Variants in SDK1 observed in about 807,000 individuals in gnomAD.
SDK1 encodes sidekick cell adhesion molecule 1.
SDK1 carries 157 observed loss-of-function variants against 245.5 expected under a neutral mutation model. The ratio of observed to expected loss-of-function variants is 0.64; its 90% CI spans 0.56 to 0.73. SDK1 has a LOEUF of 0.73. Ranked by LOEUF, SDK1 falls within the 30% of genes least tolerant of loss-of-function variation. The probability of loss-of-function intolerance (pLI) is 0.00; values close to 1 mark genes in which losing one functional copy is unlikely to be tolerated. For missense variants in SDK1, 3,583 were observed against 3,002.3 expected, an observed-to-expected ratio of 1.19 and a Z score of -4.52; for synonymous variants, 1,647 against 1,278.5, an observed-to-expected ratio of 1.29 and a Z score of -6.15.
At chr7:3,327,325 C>G (rs1361561053) in intron 1 of SDK1, among the ~76,000 whole-genome samples, 1 of 152,098 alleles carries the variant, frequency 6.6e-6, no homozygotes, top group Admixed American at 6.6e-5. Context: ...TGGAAGGTTT[C>G]AGGGATAACA....
At chr7:3,316,185 T>C (rs1364490982) in intron 1 of SDK1, among the ~76,000 whole-genome samples, 1 of 152,188 alleles carries the variant, frequency 6.6e-6, no homozygotes, top group Non-Finnish European at 1.5e-5. Context: ...TTTAAAACTT[T>C]CAGTACAGCC....
chr7:3,912,706 C>G (rs763238278), intron 5 of SDK1, among the ~76,000 whole-genome samples: 2 of 152,240 alleles, frequency 1.3e-5, no homozygotes, highest in African/African-American at 4.8e-5. Flanking sequence ...ACTTATCATT[C>G]TCCTCTGGCA....
chr7:3,798,988 C>G (rs1179039149), intron 4 of SDK1, among the ~76,000 whole-genome samples: 3 of 152,170 alleles, frequency 2.0e-5, no homozygotes, highest in Admixed American at 2.0e-4. Context: ...TCCCCTCATT[C>G]TTCTACATTT....
At chr7:4,171,994 C>T (rs1003507822) in intron 32 of SDK1, among the ~76,000 whole-genome samples, 19 of 152,214 alleles carry the variant, frequency 1.2e-4, no homozygotes, top group Admixed American at 6.5e-4. Flanking sequence ...GGGTCCGACA[C>T]CCCTGGGCCA....
chr7:3,721,511 A>C (rs1367674369), intron 4 of SDK1, among the ~76,000 whole-genome samples: 1 of 152,228 alleles, frequency 6.6e-6, no homozygotes, highest in African/African-American at 2.4e-5. Flanking sequence ...AGTACAGCGT[A>C]GGCTTCTAAA....
intron 5 of SDK1, among the ~76,000 whole-genome samples, chr7:3,939,727 G>A (rs529446771): frequency 6.0e-4 from 91 of 152,302 alleles, no homozygotes; most frequent in African/African-American, 2.2e-3. Flanking sequence ...CCCGGGAGCA[G>A]AGCCACAGCC....
At chr7:3,597,334 C>T (rs1462625282) in intron 1 of SDK1, among the ~76,000 whole-genome samples, 4 of 150,496 alleles carry the variant, frequency 2.7e-5, no homozygotes, top group Admixed American at 2.6e-4. Flanking sequence ...TTACAGTTCA[C>T]TTTGTACTGA....
In SDK1 at chr7:3,620,845, T is replaced by C. The variant is rs549507224; in HGVS notation, c.458+1606T>C. On this transcript the variant is annotated intron_variant, in intron 2 of 44. Coordinates refer to ENST00000404826, the MANE Select transcript of SDK1 (RefSeq NM_152744.4). ...CCATTCCCATTACCCACCCACACTT[T>C]AGACAAGTGAGTGTGTGACTGCTTA... Among the ~76,000 whole-genome samples the C allele has an allele frequency of 7.9e-5, 12 of 152,004 alleles. No individual in the cohort carries two copies. In the South Asian group the frequency reaches 2.3e-3, roughly 29 times the overall value.
At chr7:3,888,998 T>C (rs1385214723) in intron 5 of SDK1, among the ~76,000 whole-genome samples, 36 of 152,230 alleles carry the variant, frequency 2.4e-4, no homozygotes, top group Admixed American at 2.4e-3. Flanking sequence ...CTATTGAGTT[T>C]TTAACTAGAT....
At position 3,496,779 on chromosome 7, in the gene SDK1, A is replaced by T. The variant is rs759851325; in HGVS notation, c.299-122301A>T. ...CATAAAACGTGCCATTGGTTAATCA[A>T]TTTAGTCTAGTGGAGGTACACAAAT... On this transcript the variant is annotated intron_variant, in intron 1 of 44. Coordinates refer to ENST00000404826, the MANE Select transcript of SDK1 (RefSeq NM_152744.4). Among the ~76,000 whole-genome samples the T allele has an allele frequency of 6.6e-5, 10 of 152,146 alleles. 1 individual carries two copies. Among genetic ancestry groups the T allele is most frequent in the South Asian group, 4.1e-4 (2 of 4,822 alleles).
At chr7:4,113,524 T>G (rs1365250055) in intron 24 of SDK1, 85 bp downstream of exon 24, 3 of 1,469,394 alleles carry the variant, frequency 2.0e-6, no homozygotes, top group Non-Finnish European at 2.8e-6. Context: ...TAGGAGTTTC[T>G]TAGTCACGCC....
intron 1 of SDK1, among the ~76,000 whole-genome samples, chr7:3,360,530 G>C (rs1216462253): frequency 6.6e-6 from 1 of 152,088 alleles, no homozygotes; most frequent in African/African-American, 2.4e-5. Context: ...TTGGGCCTCA[G>C]GTTTATTGAT....
At chr7:3,644,773 CAAAA>C (rs34276127) in intron 4 of SDK1, among the ~76,000 whole-genome samples, 1 of 40,046 alleles carries the variant, frequency 2.5e-5, no homozygotes, top group Admixed American at 3.9e-4. Flanking sequence ...ACCCTGTCTC[CAAAA>C]AAAAAAAAAA....
intron 1 of SDK1, among the ~76,000 whole-genome samples, chr7:3,326,588 G>T (rs1403649615): frequency 6.6e-6 from 1 of 152,078 alleles, no homozygotes; most frequent in Non-Finnish European, 1.5e-5. Flanking sequence ...CCTTTGGAAA[G>T]GTAGTGTTAG....
chr7:3,488,460 A>G (rs1001558920), intron 1 of SDK1, among the ~76,000 whole-genome samples: 2 of 152,090 alleles, frequency 1.3e-5, no homozygotes, highest in African/African-American at 4.8e-5. Context: ...TTTTGTCCTG[A>G]ATTTCAGTTT....
chr7:3,870,964 A>G (rs1252583041), intron 5 of SDK1, among the ~76,000 whole-genome samples: 1 of 152,150 alleles, frequency 6.6e-6, no homozygotes, highest in Admixed American at 6.5e-5. Flanking sequence ...TTTGATTGGT[A>G]TTGTATTAAA....
chr7:3,992,404 A>G (rs1316846229), intron 14 of SDK1, among the ~76,000 whole-genome samples: 1 of 152,110 alleles, frequency 6.6e-6, no homozygotes, highest in East Asian at 1.9e-4. Context: ...TGGGACTCAG[A>G]GAGGGGCAGT....
At chr7:4,049,899 G>A (rs867752675) in intron 18 of SDK1, among the ~76,000 whole-genome samples, 1 of 152,164 alleles carries the variant, frequency 6.6e-6, no homozygotes, top group African/African-American at 2.4e-5. Flanking sequence ...GGAGAGTTCT[G>A]TTTAAAGAAC....
At position 4,111,607 on chromosome 7, in the gene SDK1, G is replaced by A. The variant is rs573466937; in HGVS notation, c.3434+835G>A. On this transcript the variant is annotated intron_variant, in intron 23 of 44. Transcript: ENST00000404826. ...TCAGGAGCTTAGAACAGACAAATCAGGACACAATACACTGGGTTTTAAAGA... is the reference window on the plus strand; with the variant it reads ...TCAGGAGCTTAGAACAGACAAATCAAGACACAATACACTGGGTTTTAAAGA... Among the ~76,000 whole-genome samples, 4 of 151,810 alleles carry A rather than the reference G, an allele frequency of 2.6e-5. No individual in the cohort carries two copies. The South Asian group carries it at 8.4e-4, about 32-fold the overall frequency.
Sources: allele counts gnomAD v4.1 joint callset (sites outside exome capture counted in the v4.1 genomes callset), GRCh38; gene constraint gnomAD v4.1.1; transcripts MANE v1.5; gene names NCBI Gene and HGNC (gene_info 2026-07-23, HGNC 2026-07-21).